Variants in MLLT1 observed in about 807,000 individuals in gnomAD.
MLLT1 encodes the protein MLLT1 super elongation complex subunit.
A neutral mutation model predicts 55.1 loss-of-function variants in MLLT1; 11 were observed. The ratio of observed to expected loss-of-function variants is 0.20; its 90% confidence interval spans 0.13 to 0.33. The LOEUF is 0.33. Among genes scored for constraint, MLLT1 ranks in the 10% least tolerant of loss-of-function variants. MLLT1 has a pLI of 1.00. For synonymous variants in MLLT1, 323 were observed against 320.1 expected (o/e 1.01, Z -0.10); for missense variants, 536 against 760.6 (o/e 0.70, Z 3.47).
At chr19:6,253,246 C>A (rs1415961277) in intron 3 of MLLT1, among the ~76,000 whole-genome samples, 1 of 109,746 alleles carries the variant, frequency 9.1e-6, no homozygotes, top group Middle Eastern at 0.013. Flanking sequence ...GCCTGGGCGA[C>A]AGAGCGAGAC....
chr19:6,239,632 T>G (rs1471568307), intron 3 of MLLT1, among the ~76,000 whole-genome samples: 1 of 151,956 alleles, frequency 6.6e-6, no homozygotes, highest in African/African-American at 2.4e-5. Context: ...CACACACCCA[T>G]GTACACACAC....
At chr19:6,228,676 G>T (rs538389542) in intron 4 of MLLT1, among the ~76,000 whole-genome samples, 56 of 152,258 alleles carry the variant, frequency 3.7e-4, no homozygotes, top group African/African-American at 1.3e-3. Flanking sequence ...GGGGGCTGGG[G>T]TCACCTGCTG....
intron 3 of MLLT1, among the ~76,000 whole-genome samples, chr19:6,244,987 G>T (rs536295475): frequency 5.5e-4 from 83 of 152,164 alleles, no homozygotes; most frequent in Non-Finnish European, 7.8e-4. Flanking sequence ...TACCCGGCTG[G>T]GGGGGAATGT....
At chr19:6,220,151 G>A (rs2090882825) in intron 6 of MLLT1, among the ~76,000 whole-genome samples, 1 of 152,236 alleles carries the variant, frequency 6.6e-6, no homozygotes, top group African/African-American at 2.4e-5. Flanking sequence ...ACCCCAGCTG[G>A]TGCAGATTCT....
rs367750260 is a variant in MLLT1, at chr19:6,231,950, G to A, written c.277-1237C>T. Among the ~76,000 whole-genome samples the A allele has an allele frequency of 6.6e-6, 1 of 152,120 alleles. No individual in the cohort carries two copies. The highest frequency in any genetic ancestry group is 2.1e-4 in the South Asian group (1 of 4,824). On this transcript the variant is annotated intron_variant, in intron 3 of 11. Transcript: ENST00000252674. This position sits in a 1 kb window ranked among gnomAD's most constrained non-coding sequence, Gnocchi z 5.1. ...AGGGAGGTTTTCATGGAAACAACGT[G>A]CATGGGCCGGGCGCGGTGGCTCACG...
In MLLT1 at chr19:6,219,439, C is replaced by T. The variant is rs1481983037; in HGVS notation, c.1111-1398G>A. Among the ~76,000 whole-genome samples, 1 of 152,204 alleles carries T rather than the reference C, an allele frequency of 6.6e-6. No homozygotes were observed. The highest frequency in any genetic ancestry group is 2.4e-5 in the African/African-American group (1 of 41,454). ...GGCCTGCCTGGAGCTGGGTGATGCACAGCCTGGACTTCTGTTCTTGGGGGC... is the reference window on the plus strand; with the variant it reads ...GGCCTGCCTGGAGCTGGGTGATGCATAGCCTGGACTTCTGTTCTTGGGGGC... On this transcript the variant is annotated intron_variant, in intron 6 of 11. Coordinates refer to ENST00000252674, the MANE Select transcript of MLLT1 (RefSeq NM_005934.4). The surrounding 1 kb of genome is among the most constrained non-coding windows in gnomAD (Gnocchi z 4.5).
At chr19:6,264,097 C>T (rs1258024879) in intron 2 of MLLT1, among the ~76,000 whole-genome samples, 1 of 152,012 alleles carries the variant, frequency 6.6e-6, no homozygotes, top group East Asian at 1.9e-4. Flanking sequence ...GTACACATTA[C>T]AAGAGTGAAT....
At chr19:6,228,976 G>A (rs866968586) in intron 4 of MLLT1, among the ~76,000 whole-genome samples, 2 of 152,044 alleles carry the variant, frequency 1.3e-5, no homozygotes, top group Non-Finnish European at 2.9e-5. Flanking sequence ...CCTCCTCCCC[G>A]CCCCTGGCTT....
chr19:6,259,701 G>A (rs1017031840), intron 3 of MLLT1: 7 of 149,968 alleles, frequency 4.7e-5, no homozygotes, highest in South Asian at 2.1e-4. Flanking sequence ...GAGAGGGAGC[G>A]CTGCGATTCT....
At chr19:6,221,408 ATGTC>A (rs2090895669) in intron 6 of MLLT1, among the ~76,000 whole-genome samples, 1 of 152,218 alleles carries the variant, frequency 6.6e-6, no homozygotes, top group Non-Finnish European at 1.5e-5. Flanking sequence ...GGCTCAAGTC[ATGTC>A]TGATGCAGTC....
chr19:6,213,576 A>G (rs997241228), intron 10 of MLLT1, 150 bp downstream of exon 10: 1 of 977,382 alleles, frequency 1.0e-6, no homozygotes, highest in Non-Finnish European at 1.6e-6. Context: ...CTCCAAGGCC[A>G]CACCGGGAGG....
rs149132331 is a variant in MLLT1 at position 6,217,916 on chromosome 19, G to A, written c.1198+38C>T. 831 of 1,572,142 alleles carry A rather than the reference G, an allele frequency of 5.3e-4. 1 individual carries two copies. Among genetic ancestry groups the A allele is most frequent in the Middle Eastern group, 6.8e-4 (4 of 5,868 alleles). On this transcript the variant is annotated intron_variant, in intron 7 of 11. Transcript: ENST00000252674. ...GTGGCCTGAGCTCCAGGCCCTCCCCGGCCCCATCCGTGCCCCCCAGCTGCT... is the reference window on the plus strand; with the variant it reads ...GTGGCCTGAGCTCCAGGCCCTCCCCAGCCCCATCCGTGCCCCCCAGCTGCT...
rs1483340643 is a variant in MLLT1 at position 6,219,421 on chromosome 19, C to T, written c.1111-1380G>A. Among the ~76,000 whole-genome samples, 1 of 152,178 alleles carries T rather than the reference C, an allele frequency of 6.6e-6. No individual in the cohort carries two copies. Among genetic ancestry groups the T allele is most frequent in the East Asian group, 1.9e-4 (1 of 5,192 alleles). The stretch of plus-strand genomic sequence containing the variant: ...GTCCAGGACCCCTGGCTGGGCCTGC[C>T]TGGAGCTGGGTGATGCACAGCCTGG... On this transcript the variant is annotated intron_variant, in intron 6 of 11. Transcript: ENST00000252674. This position sits in a 1 kb window ranked among gnomAD's most constrained non-coding sequence, Gnocchi z 4.5.
intron 3 of MLLT1, among the ~76,000 whole-genome samples, chr19:6,232,387 C>T (rs911672415): frequency 6.6e-6 from 1 of 152,134 alleles, no homozygotes; most frequent in African/African-American, 2.4e-5. Context: ...GGATACCCAC[C>T]CGGGGGAGAA....
rs530150155 is a variant in MLLT1, at chr19:6,212,695, C to T, written c.*347G>A. 2.0e-4 allele frequency: 226 copies of T among 1,134,384 alleles called. No individual in the cohort carries two copies. The highest frequency in any genetic ancestry group is 6.5e-4 in the Admixed American group (14 of 21,666). 70.3% of individuals were successfully genotyped at this position (1,134,384 alleles called of 1,614,324 possible). ...CTGCTCAGAAAGGCTGGGGCAGCGACGCCGCACAGCCCGCCGAGCAGTGGG... is the reference window on the plus strand; with the variant it reads ...CTGCTCAGAAAGGCTGGGGCAGCGATGCCGCACAGCCCGCCGAGCAGTGGG... On this transcript the variant is annotated 3_prime_UTR_variant, in exon 12 of 12. Transcript: ENST00000252674.
chr19:6,228,431 C>G (rs1187309266), intron 4 of MLLT1, among the ~76,000 whole-genome samples: 1 of 152,182 alleles, frequency 6.6e-6, no homozygotes, highest in Non-Finnish European at 1.5e-5. Context: ...AGATGACTCC[C>G]ACCTCCAACA....
rs1312619858 is a variant in MLLT1 at position 6,222,935 on chromosome 19, A to C, written c.547-251T>G. 6.6e-6 allele frequency among the ~76,000 whole-genome samples: 1 copy of C among 152,204 alleles called. No individual in the cohort carries two copies. Among genetic ancestry groups the C allele is most frequent in the East Asian group, 1.9e-4 (1 of 5,184 alleles). ...AGGCTAAGATTCCCCTCAGAATTGAACTGACATTCCCTGAGGGATTCAAGA... is the reference window on the plus strand; with the variant it reads ...AGGCTAAGATTCCCCTCAGAATTGACCTGACATTCCCTGAGGGATTCAAGA... On this transcript the variant is annotated intron_variant, in intron 5 of 11. Transcript: ENST00000252674. The surrounding 1 kb of genome is among the most constrained non-coding windows in gnomAD (Gnocchi z 4.1).
At position 6,274,644 on chromosome 19, in the gene MLLT1, G is replaced by A. The variant is rs185106139; in HGVS notation, c.13-3885C>T. On this transcript the variant is annotated intron_variant, in intron 1 of 11. Transcript: ENST00000252674. ...TGGAATAGACGGCTGGAAATGAGCC[G>A]GGGGGCTGTGGTCTCAGGGATTTCC... Among the ~76,000 whole-genome samples, 45 of 152,092 alleles carry A rather than the reference G, an allele frequency of 3.0e-4. No individual in the cohort carries two copies. In the East Asian group the frequency reaches 6.4e-3, roughly 22 times the overall value.
At chr19:6,221,485 C>T in intron 6 of MLLT1, among the ~76,000 whole-genome samples, 1 of 152,196 alleles carries the variant, frequency 6.6e-6, no homozygotes. Context: ...GTGACAAGGC[C>T]GGTCCCTGAC....
Sources: allele counts gnomAD v4.1 joint callset (sites outside exome capture counted in the v4.1 genomes callset), GRCh38; gene constraint gnomAD v4.1.1; non-coding constraint Gnocchi (gnomAD v3.1); transcripts MANE v1.5; gene names NCBI Gene and HGNC (gene_info 2026-07-23, HGNC 2026-07-21).